Variants in DEPTOR observed in about 807,000 individuals in gnomAD.
DEPTOR encodes the protein DEP domain-containing mTOR-interacting protein.
Under a neutral mutation model 41.6 loss-of-function variants are expected in DEPTOR, and 41 were observed. The observed-to-expected ratio is 0.98, with a 90% CI of 0.77 to 1.28. The LOEUF is 1.28. Among genes scored for constraint, DEPTOR ranks in the 50% most tolerant of loss-of-function variants. The pLI is 0.00. For missense variants in DEPTOR, 514 were observed against 527.9 expected (o/e 0.97, Z 0.26); for synonymous variants, 195 against 192.3 (o/e 1.01, Z -0.12).
In DEPTOR at chr8:119,873,956, G is replaced by A; in HGVS notation, c.110G>A (p.Gly37Glu). 6.2e-7 allele frequency: 1 copy of A among 1,613,642 alleles called. No individual in the cohort carries two copies. Among genetic ancestry groups the A allele is most frequent in the Non-Finnish European group, 8.5e-7 (1 of 1,179,810 alleles). ...CGCATGGCTGAGGTCTTGGTCACCGGGGAACAGCTACGGTAAGGCAAGAGA... is the reference window on the plus strand; with the variant it reads ...CGCATGGCTGAGGTCTTGGTCACCGAGGAACAGCTACGGTAAGGCAAGAGA... ...LERMAEVLVT[G>E]EQLRLRLHEE... Residue 37 changes from glycine (G) to glutamate (E), a missense_variant, in exon 1 of 9, where the codon GGG (glycine) becomes GAG (glutamate). Transcript: ENST00000286234.
At chr8:119,986,450 G>A (rs923502048) in intron 4 of DEPTOR, among the ~76,000 whole-genome samples, 1 of 152,024 alleles carries the variant, frequency 6.6e-6, no homozygotes, top group Admixed American at 6.6e-5. Context: ...CTCTCTGGCT[G>A]CCCTTAATAT....
At chr8:120,021,587 C>T (rs1812716003) in intron 8 of DEPTOR, among the ~76,000 whole-genome samples, 1 of 152,020 alleles carries the variant, frequency 6.6e-6, no homozygotes, top group Non-Finnish European at 1.5e-5. Context: ...CACAAAGTAA[C>T]AGAATAGTAG....
At position 120,009,265 on chromosome 8, in the gene DEPTOR, G is replaced by T. The variant is rs569495849; in HGVS notation, c.1101+132G>T. The T allele has an allele frequency of 2.7e-5, 21 of 772,718 alleles. No individual in the cohort carries two copies. The East Asian group carries it at 5.5e-4, about 20-fold the overall frequency. The allele number at this position is 772,718 out of a possible 1,614,324, so 47.9% of individuals were successfully genotyped here. ...TTTCTATTTCTGCCCTCTCTTTCTTGTTCTCCAAAGTCTTTAACCTTTCCC... is the reference window on the plus strand; with the variant it reads ...TTTCTATTTCTGCCCTCTCTTTCTTTTTCTCCAAAGTCTTTAACCTTTCCC... On this transcript the variant is annotated intron_variant, in intron 8 of 8. Coordinates refer to ENST00000286234, the MANE Select transcript of DEPTOR (RefSeq NM_022783.4).
At chr8:119,897,934 A>G (rs1827541676) in intron 1 of DEPTOR, among the ~76,000 whole-genome samples, 1 of 152,262 alleles carries the variant, frequency 6.6e-6, no homozygotes. Context: ...ATAGGTCAAC[A>G]TGACTCAGTT....
chr8:119,998,424 A>T (rs917801489), intron 4 of DEPTOR, among the ~76,000 whole-genome samples: 1 of 152,138 alleles, frequency 6.6e-6, no homozygotes, highest in Non-Finnish European at 1.5e-5. Flanking sequence ...ATATTGACTA[A>T]TGAGGTTGAG....
chr8:120,000,560 T>A (rs60657932), intron 4 of DEPTOR, among the ~76,000 whole-genome samples: 55,587 of 151,724 alleles, frequency 0.37, 10,904 homozygotes, highest in East Asian at 0.58. Context: ...CCTCCCGGGT[T>A]CAAGTGATTC....
intron 3 of DEPTOR, among the ~76,000 whole-genome samples, chr8:119,954,060 C>T (rs760593774): frequency 2.0e-5 from 3 of 152,182 alleles, no homozygotes; most frequent in African/African-American, 7.2e-5. Context: ...CCCGCCTTGG[C>T]CTCCCAAAGT....
chr8:119,926,556 T>G (rs190638473), intron 1 of DEPTOR, among the ~76,000 whole-genome samples: 1 of 152,334 alleles, frequency 6.6e-6, no homozygotes, highest in East Asian at 1.9e-4. Flanking sequence ...GGTCAAGCTT[T>G]TACTACACAA....
chr8:119,920,749 A>T (rs1827879401), intron 1 of DEPTOR, among the ~76,000 whole-genome samples: 1 of 152,226 alleles, frequency 6.6e-6, no homozygotes, highest in Non-Finnish European at 1.5e-5. Context: ...GTCGAGTCCC[A>T]CTCAGCCCCC....
At chr8:119,952,702 G>A (rs1247626630) in intron 3 of DEPTOR, among the ~76,000 whole-genome samples, 1 of 152,172 alleles carries the variant, frequency 6.6e-6, no homozygotes, top group Non-Finnish European at 1.5e-5. Context: ...GTGTTAGTTT[G>A]CTGGGGATGA....
chr8:120,011,528 A>G (rs1337825220), intron 8 of DEPTOR, among the ~76,000 whole-genome samples: 1 of 152,216 alleles, frequency 6.6e-6, no homozygotes, highest in Non-Finnish European at 1.5e-5. Context: ...ACAATAAAGT[A>G]CCTGGTATAA....
rs144874352 is a variant in DEPTOR at position 119,928,438 on chromosome 8, G to T, written c.161G>T (p.Arg54Leu). 1 of 1,613,988 alleles carries T rather than the reference G, an allele frequency of 6.2e-7. No homozygotes were observed. Among genetic ancestry groups the T allele is most frequent in the Non-Finnish European group, 8.5e-7 (1 of 1,179,948 alleles). Residue 54 changes from arginine (R) to leucine (L), a missense_variant, in exon 2 of 9, where the codon CGT (arginine) becomes CTT (leucine). By Grantham distance (102) the Arg-to-Leu change is moderately radical. Transcript: ENST00000286234. ...LHEEKVIKDR[R>L]HHLKTYPNCF... ...GAAGAAAAGGTTATTAAAGATAGAC[G>T]TCATCATCTCAAGACCTACCCAAAC...
intron 3 of DEPTOR, among the ~76,000 whole-genome samples, chr8:119,944,087 A>G (rs1828238422): frequency 6.6e-6 from 1 of 151,950 alleles, no homozygotes; most frequent in Admixed American, 6.6e-5. Flanking sequence ...TGATCTGCCC[A>G]CCTCGGCCTC....
At chr8:119,997,304 G>A (rs939663462) in intron 4 of DEPTOR, among the ~76,000 whole-genome samples, 5 of 151,952 alleles carry the variant, frequency 3.3e-5, no homozygotes, top group South Asian at 4.2e-4. Flanking sequence ...GTGTGATCAC[G>A]GCTCAGTGCA....
At chr8:120,019,079 C>T (rs766081258) in intron 8 of DEPTOR, among the ~76,000 whole-genome samples, 6 of 152,186 alleles carry the variant, frequency 3.9e-5, no homozygotes, top group South Asian at 2.1e-4. Context: ...CTGAGGCGGA[C>T]GGACCACTTG....
intron 4 of DEPTOR, among the ~76,000 whole-genome samples, chr8:119,979,573 T>C (rs1002567086): frequency 2.0e-5 from 3 of 152,192 alleles, no homozygotes; most frequent in African/African-American, 7.2e-5. Flanking sequence ...CAGCTTTTTT[T>C]CTAGAAAGCT....
At chr8:119,997,992 TC>T (rs1812295898) in intron 4 of DEPTOR, among the ~76,000 whole-genome samples, 1 of 152,242 alleles carries the variant, frequency 6.6e-6, no homozygotes, top group Admixed American at 6.5e-5. Flanking sequence ...TTGTTTAACT[TC>T]TGTTTTTACC....
chr8:119,915,229 C>T (rs6984318), intron 1 of DEPTOR, among the ~76,000 whole-genome samples: 33,230 of 151,816 alleles, frequency 0.22, 4,156 homozygotes, highest in African/African-American at 0.33. Flanking sequence ...CCTCCCAAAG[C>T]ACTGGGCTTA....
In DEPTOR at chr8:120,001,528, C is replaced by T. The variant is rs1036788622; in HGVS notation, c.608C>T (p.Ser203Phe). The T allele has an allele frequency of 1.1e-5, 17 of 1,605,714 alleles. No homozygotes were observed. Among genetic ancestry groups the T allele is most frequent in the Non-Finnish European group, 1.4e-5 (16 of 1,175,900 alleles). ...LMEHGIIQHVSNKHPFVDSNL... is the reference protein window; with the variant it reads ...LMEHGIIQHVFNKHPFVDSNL... ...TTGTTTTTTTTTTTCTCCCCAGTGT[C>T]CAACAAGCACCCATTTGTGGACAGC... Residue 203 changes from serine to phenylalanine, a missense_variant, in exon 5 of 9, where the codon TCC (serine) becomes TTC (phenylalanine). Physicochemically the swap from Ser to Phe is radical, Grantham distance 155 (BLOSUM62 -2). Transcript: ENST00000286234.
Sources: allele counts gnomAD v4.1 joint callset (sites outside exome capture counted in the v4.1 genomes callset), GRCh38; gene constraint gnomAD v4.1.1; transcripts MANE v1.5; gene names NCBI Gene and HGNC (gene_info 2026-07-23, HGNC 2026-07-21).